Variants in CTNNA2 observed in about 807,000 individuals in gnomAD.
CTNNA2 encodes catenin alpha 2.
CTNNA2 carries 42 observed loss-of-function variants against 101.0 expected under a neutral mutation model. The ratio of observed to expected loss-of-function variants is 0.42; its 90% confidence interval spans 0.32 to 0.54. The LOEUF (loss-of-function observed/expected upper bound fraction) is 0.54. Ranked by LOEUF, CTNNA2 falls within the 20% of genes least tolerant of loss-of-function variation. CTNNA2 has a pLI of 0.14. For missense variants in CTNNA2, 871 were observed against 1,223.1 expected (o/e 0.71, Z 4.29); for synonymous variants, 450 against 456.4 (o/e 0.99, Z 0.18).
Position 79,484,407 on chromosome 2 carries a change from G to T in CTNNA2, c.-134-20647G>T, listed in dbSNP as rs145988638. 2.2e-4 allele frequency among the ~76,000 whole-genome samples: 33 copies of T among 151,882 alleles called. No homozygotes were observed. In the East Asian group the frequency reaches 3.3e-3, roughly 15 times the overall value. ...TAAAGCATGGTGAGGTGGGGTAAGT[G>T]GGTCTGACTCCTATCTCTGACCTAC... On this transcript the variant is annotated intron_variant, in intron 4 of 21. Coordinates refer to the CTNNA2 transcript ENST00000466387.
chr2:80,193,388 G>A lies in CTNNA2; in HGVS notation c.1057-199823G>A, dbSNP rs377607967. ...CAATCGGTATATTTGGGTTCTGGTC[G>A]TGGGAAGTCATTGACGATAAAATGT... On this transcript the variant is annotated intron_variant, in intron 7 of 18. Coordinates refer to ENST00000402739, the MANE Select transcript of CTNNA2 (RefSeq NM_001282597.3). Among the ~76,000 whole-genome samples, 70 of 152,260 alleles carry A rather than the reference G, an allele frequency of 4.6e-4. No homozygotes were observed. The South Asian group carries it at 6.6e-3, about 14-fold the overall frequency.
chr2:79,863,229 GA>G (rs11308751), intron 4 of CTNNA2, among the ~76,000 whole-genome samples: 36,873 of 152,058 alleles, frequency 0.24, 5,062 homozygotes, highest in East Asian at 0.55. Flanking sequence ...TATTTAGATG[GA>G]TAACAGAATA....
chr2:80,080,549 G>A (rs1473711088), intron 7 of CTNNA2, among the ~76,000 whole-genome samples: 2 of 152,138 alleles, frequency 1.3e-5, no homozygotes, highest in African/African-American at 4.8e-5. Flanking sequence ...TTGTGACATT[G>A]GGATAGGCAA....
At chr2:79,257,579 G>A (rs1367957020) in intron 2 of CTNNA2, among the ~76,000 whole-genome samples, 1 of 151,288 alleles carries the variant, frequency 6.6e-6, no homozygotes, top group East Asian at 1.9e-4. Context: ...AGAAGTCATA[G>A]GAAAAAGAAA....
intron 7 of CTNNA2, among the ~76,000 whole-genome samples, chr2:80,223,602 T>C (rs1193796616): frequency 6.6e-6 from 1 of 152,160 alleles, no homozygotes; most frequent in African/African-American, 2.4e-5. Flanking sequence ...ATTTTCTCAG[T>C]CTCCTTAAAC....
chr2:80,274,190 G>A lies in CTNNA2; in HGVS notation c.1057-119021G>A, dbSNP rs77112739. Among the ~76,000 whole-genome samples, 45 of 152,242 alleles carry A rather than the reference G, an allele frequency of 3.0e-4. No homozygotes were observed. The East Asian group carries it at 7.4e-3, about 25-fold the overall frequency. ...GTGGTAGCAGGAGATGAAAAAGGCC[G>A]AGACAATAGGGAACAGTTGGATAGG... On this transcript the variant is annotated intron_variant, in intron 7 of 18. Coordinates refer to ENST00000402739, the MANE Select transcript of CTNNA2 (RefSeq NM_001282597.3).
At chr2:79,212,314 G>T (rs954312576) in intron 2 of CTNNA2, among the ~76,000 whole-genome samples, 12 of 152,086 alleles carry the variant, frequency 7.9e-5, no homozygotes, top group African/African-American at 2.4e-4. Context: ...GTTTTTTGGG[G>T]CACAGTCCAA....
chr2:79,404,980 T>C (rs772350111), intron 4 of CTNNA2, among the ~76,000 whole-genome samples: 1 of 152,070 alleles, frequency 6.6e-6, no homozygotes, highest in East Asian at 1.9e-4. Flanking sequence ...ACTTAAGGTA[T>C]ACAGGTCAAA....
chr2:79,848,586 A>G (rs1031253587), intron 3 of CTNNA2, among the ~76,000 whole-genome samples: 62 of 152,130 alleles, frequency 4.1e-4, no homozygotes, highest in Admixed American at 4.1e-3. Flanking sequence ...ATTAAAATCC[A>G]TACGGTTAAT....
chr2:80,428,365 A>G (rs919739513), intron 9 of CTNNA2, among the ~76,000 whole-genome samples: 6 of 152,220 alleles, frequency 3.9e-5, no homozygotes, highest in Non-Finnish European at 5.9e-5. Context: ...AAAAGCAAAG[A>G]AAGAAGAATA....
intron 4 of CTNNA2, among the ~76,000 whole-genome samples, chr2:79,426,827 A>G (rs775898481): frequency 3.9e-5 from 6 of 152,128 alleles, no homozygotes; most frequent in Non-Finnish European, 8.8e-5. Context: ...AGTGCTATCT[A>G]CCAGGCACTG....
intron 6 of CTNNA2, among the ~76,000 whole-genome samples, chr2:79,898,063 A>G (rs939164092): frequency 6.6e-6 from 1 of 152,196 alleles, no homozygotes; most frequent in Non-Finnish European, 1.5e-5. Flanking sequence ...TGTAAACCAT[A>G]TCACCATCCA....
At chr2:80,551,850 A>C (rs945025093) in intron 11 of CTNNA2, among the ~76,000 whole-genome samples, 2 of 152,102 alleles carry the variant, frequency 1.3e-5, no homozygotes, top group African/African-American at 4.8e-5. Flanking sequence ...TTGTACTTAC[A>C]AGTTGGCTGT....
At chr2:79,866,698 A>G (rs1342402245) in intron 4 of CTNNA2, 2 of 152,206 alleles carry the variant, frequency 1.3e-5, no homozygotes, top group East Asian at 3.8e-4. Context: ...CTTCAAAATT[A>G]TTAAGGCATT....
chr2:80,372,838 C>T (rs556002385), intron 7 of CTNNA2, among the ~76,000 whole-genome samples: 1 of 152,244 alleles, frequency 6.6e-6, no homozygotes, highest in South Asian at 2.1e-4. Flanking sequence ...CTCCCCCCTT[C>T]CCCAGGATAC....
chr2:80,614,581 A>G (rs1368996847), intron 17 of CTNNA2, among the ~76,000 whole-genome samples: 2 of 151,404 alleles, frequency 1.3e-5, no homozygotes, highest in African/African-American at 4.8e-5. Context: ...CTATTTAAGA[A>G]GTATTATTTT....
rs543936190 is a variant in CTNNA2, at chr2:80,113,686, G to T, written c.1056+203889G>T. On this transcript the variant is annotated intron_variant, in intron 7 of 18. Transcript: ENST00000402739. ...TAAGCCAAAAAACATGTATTATCTG[G>T]CCCTTTACAGAAAAAGTATGGGACC... is the stretch of plus-strand genomic sequence containing the variant. Among the ~76,000 whole-genome samples the T allele has an allele frequency of 3.3e-5, 5 of 152,332 alleles. No homozygotes were observed. In the South Asian group the frequency reaches 1.0e-3, roughly 32 times the overall value.
In CTNNA2 at chr2:79,680,461, T is replaced by TA. The variant is rs531704172; in HGVS notation, c.102+28803_102+28804insA. ...ACATTGAAAAGAGTTCACAGAGGTG[T>TA]CAAAAAAATGTGTGATAGACAAGAA... On this transcript the variant is annotated intron_variant, in intron 2 of 18. Transcript: ENST00000402739. 4.7e-3 allele frequency among the ~76,000 whole-genome samples: 715 copies of TA among 152,010 alleles called. 7 individuals carry two copies. The highest frequency in any genetic ancestry group is 0.016 in the African/African-American group (666 of 41,464).
At chr2:79,654,340 A>C (rs959015280) in intron 2 of CTNNA2, among the ~76,000 whole-genome samples, 3 of 152,186 alleles carry the variant, frequency 2.0e-5, no homozygotes, top group African/African-American at 7.2e-5. Flanking sequence ...CATTTATTGT[A>C]TAGTCCTGGG....
Sources: gnomAD v4.1 joint callset for allele counts (sites outside exome capture counted in the v4.1 genomes callset) on GRCh38, gnomAD v4.1.1 for gene constraint, MANE v1.5 for transcripts, NCBI Gene and HGNC (gene_info 2026-07-23, HGNC 2026-07-21) for gene names.